The following TMEM131 variants were observed in gnomAD, a reference collection of about 807,000 sequenced individuals.
TMEM131 encodes 2610524E03Rik.
In TMEM131, 66 loss-of-function variants were observed where a neutral mutation model predicts 211.6. That is an observed-to-expected ratio of 0.31 (90% confidence interval 0.26 to 0.38). TMEM131 has a LOEUF of 0.38. Ranked by LOEUF, TMEM131 falls within the 10% of genes least tolerant of loss-of-function variation. The probability of loss-of-function intolerance (pLI) is 1.00; values close to 1 mark genes in which losing one functional copy is unlikely to be tolerated. For missense variants in TMEM131, 2,036 were observed against 2,299.3 expected (o/e 0.89, Z 2.34); for synonymous variants, 844 against 841.3 (o/e 1.00, Z -0.06).
chr2:97,823,813 G>A (rs1157009936), intron 11 of TMEM131, among the ~76,000 whole-genome samples: 1 of 152,166 alleles, frequency 6.6e-6, no homozygotes, highest in African/African-American at 2.4e-5. Flanking sequence ...ATACTCTCCT[G>A]TCACCCAACT....
intron 31 of TMEM131, among the ~76,000 whole-genome samples, chr2:97,785,157 C>T (rs1222864611): frequency 1.3e-5 from 2 of 152,102 alleles, no homozygotes; most frequent in Non-Finnish European, 1.5e-5. Flanking sequence ...AAAGTGAACT[C>T]CAAACTAAGT....
Position 97,813,970 on chromosome 2 carries a change from C to T in TMEM131, c.1617+1G>A. ...ATGTTAAAGATGGATAATATACTTA[C>T]ATCTAAAAAGCCTGTGTATACCCGC... On this transcript the variant is annotated splice_donor_variant, in intron 15 of 40. Coordinates refer to ENST00000186436, the MANE Select transcript of TMEM131 (RefSeq NM_015348.2). LOFTEE classifies it high-confidence loss of function. 3 of 1,579,110 alleles carry T rather than the reference C, an allele frequency of 1.9e-6. No homozygotes were observed. Among genetic ancestry groups the T allele is most frequent in the Non-Finnish European group, 2.6e-6 (3 of 1,162,214 alleles).
intron 1 of TMEM131, among the ~76,000 whole-genome samples, chr2:97,957,128 TA>T: frequency 6.6e-6 from 1 of 150,972 alleles, no homozygotes. Flanking sequence ...CCTACAGCAA[TA>T]ATTTTTAAAA....
chr2:97,884,496 C>G (rs1026345217), intron 4 of TMEM131, among the ~76,000 whole-genome samples: 8 of 152,174 alleles, frequency 5.3e-5, no homozygotes, highest in African/African-American at 1.4e-4. Context: ...TCTAGATGAC[C>G]TGTCCAATGC....
In TMEM131 at chr2:97,918,552, C is replaced by T. The variant is rs376865189; in HGVS notation, c.249+8874G>A. 5.1e-4 allele frequency among the ~76,000 whole-genome samples: 78 copies of T among 152,058 alleles called. 1 individual carries two copies. In the South Asian group the frequency reaches 0.015, roughly 29 times the overall value. ...CACCAAGAGGATGAAAATAACCAAA[C>T]TGAGAATGTAGGAAATCCCACAGAC... is the stretch of plus-strand genomic sequence containing the variant. On this transcript the variant is annotated intron_variant, in intron 2 of 40. Coordinates refer to ENST00000186436, the MANE Select transcript of TMEM131 (RefSeq NM_015348.2).
chr2:97,869,020 G>A (rs1478779569), intron 4 of TMEM131, among the ~76,000 whole-genome samples: 1 of 152,154 alleles, frequency 6.6e-6, no homozygotes, highest in Non-Finnish European at 1.5e-5. Flanking sequence ...GCTTCATATA[G>A]ACATTTACGT....
chr2:97,773,925 C>T (rs933015492), intron 32 of TMEM131, among the ~76,000 whole-genome samples: 5 of 152,218 alleles, frequency 3.3e-5, no homozygotes, highest in Non-Finnish European at 4.4e-5. Context: ...ACTGTGTTTA[C>T]GGAAGCACTG....
intron 1 of TMEM131, among the ~76,000 whole-genome samples, chr2:97,935,202 T>C (rs1677391155): frequency 6.6e-6 from 1 of 152,160 alleles, no homozygotes; most frequent in Admixed American, 6.6e-5. Context: ...GAAAAGATGT[T>C]CAACATCATT....
intron 10 of TMEM131, 89 bp downstream of exon 10, chr2:97,834,532 T>G: frequency 1.0e-6 from 1 of 975,296 alleles, no homozygotes. Flanking sequence ...TGTTTAAAGC[T>G]GAATTACATA....
intron 11 of TMEM131, among the ~76,000 whole-genome samples, chr2:97,819,514 G>C (rs545218334): frequency 6.6e-6 from 1 of 152,158 alleles, no homozygotes; most frequent in Non-Finnish European, 1.5e-5. Flanking sequence ...TTAATAGCTA[G>C]GCATCAACAG....
Position 97,760,589 on chromosome 2 carries a change from G to T in TMEM131, c.5108+4C>A. The T allele has an allele frequency of 1.2e-6, 2 of 1,607,638 alleles. No individual in the cohort carries two copies. Among genetic ancestry groups the T allele is most frequent in the Non-Finnish European group, 1.7e-6 (2 of 1,176,758 alleles). ...TTCTAGCGGTTAGTGGTGGTCTACCGTACCTGTCTGAGCCATCGCTGTCAA... is the reference window on the plus strand; with the variant it reads ...TTCTAGCGGTTAGTGGTGGTCTACCTTACCTGTCTGAGCCATCGCTGTCAA... On this transcript the variant is annotated splice_donor_region_variant and intron_variant, in intron 38 of 40. Coordinates refer to ENST00000186436, the MANE Select transcript of TMEM131 (RefSeq NM_015348.2).
rs756235692 is a variant in TMEM131 at position 97,815,315 on chromosome 2, G to A, written c.1184-8C>T. 10 of 1,520,728 alleles carry A rather than the reference G, an allele frequency of 6.6e-6. No homozygotes were observed. The highest frequency in any genetic ancestry group is 8.8e-6 in the Non-Finnish European group (10 of 1,134,870). 94.2% of individuals were successfully genotyped at this position (1,520,728 alleles called of 1,614,324 possible). A position where few individuals can be genotyped will look rare whatever the true frequency, so the allele number is the denominator to read the frequency against. On this transcript the variant is annotated splice_polypyrimidine_tract_variant and splice_region_variant and intron_variant, in intron 12 of 40. Coordinates refer to ENST00000186436, the MANE Select transcript of TMEM131 (RefSeq NM_015348.2). ...GCTTTTTTGCCTTCGATGCTGAAAG[G>A]AAGCATAAAAAATAATCTCTGTTAC...
intron 2 of TMEM131, among the ~76,000 whole-genome samples, chr2:97,913,284 C>T (rs1676366913): frequency 1.3e-5 from 2 of 152,176 alleles, no homozygotes; most frequent in South Asian, 4.1e-4. Flanking sequence ...CGTACTACAA[C>T]CTCAATTTTA....
Position 97,872,388 on chromosome 2 carries a change from C to T in TMEM131, c.360-12961G>A, listed in dbSNP as rs12991197. Among the ~76,000 whole-genome samples the T allele has an allele frequency of 7.3e-3, 1,116 of 152,296 alleles. 5 individuals carry two copies. The highest frequency in any genetic ancestry group is 0.011 in the Non-Finnish European group (760 of 68,020). ...AAACCTGGGCAAGCCAATCAAAAAG[C>T]CCTTCTCTCTCGGAGCTAGTGAGAA... On this transcript the variant is annotated intron_variant, in intron 4 of 40. Coordinates refer to ENST00000186436, the MANE Select transcript of TMEM131 (RefSeq NM_015348.2).
intron 2 of TMEM131, among the ~76,000 whole-genome samples, chr2:97,926,112 CAAAAA>C (rs879920203): frequency 1.1e-5 from 1 of 88,816 alleles, no homozygotes; most frequent in African/African-American, 4.3e-5. Context: ...GACCCTGTCT[CAAAAA>C]AAAAAAAAAA....
chr2:97,757,848 TTAC>T (rs1275673130), intron 40 of TMEM131, among the ~76,000 whole-genome samples: 2 of 152,226 alleles, frequency 1.3e-5, no homozygotes, highest in African/African-American at 4.8e-5. Flanking sequence ...CCTCAAATAG[TTAC>T]TATCTGACTC....
At chr2:97,758,446 TAA>T (rs993524175) in intron 40 of TMEM131, among the ~76,000 whole-genome samples, 5 of 152,240 alleles carry the variant, frequency 3.3e-5, no homozygotes, top group Admixed American at 3.3e-4. Context: ...AAATCTAACC[TAA>T]GAGACAGGTG....
At chr2:97,784,744 AAAGAT>A (rs1274408255) in intron 31 of TMEM131, among the ~76,000 whole-genome samples, 3 of 152,148 alleles carry the variant, frequency 2.0e-5, no homozygotes, top group South Asian at 2.1e-4. Context: ...AGATAATAAC[AAAGAT>A]AAGAACAGAA....
intron 1 of TMEM131, among the ~76,000 whole-genome samples, chr2:97,938,800 T>C (rs1431420466): frequency 1.3e-5 from 2 of 152,128 alleles, no homozygotes; most frequent in South Asian, 2.1e-4. Context: ...TCGGCAAATG[T>C]AAAAGAATAG....
Sources: allele counts gnomAD v4.1 joint callset (sites outside exome capture counted in the v4.1 genomes callset), GRCh38; gene constraint gnomAD v4.1.1; transcripts MANE v1.5; gene names NCBI Gene and HGNC (gene_info 2026-07-23, HGNC 2026-07-21).